Variants in HNRNPUL1 observed in about 807,000 individuals in gnomAD.
HNRNPUL1 encodes heterogeneous nuclear ribonucleoprotein U like 1.
A neutral mutation model predicts 108.5 loss-of-function variants in HNRNPUL1; 14 were observed. The ratio of observed to expected loss-of-function variants is 0.13; its 90% CI spans 0.09 to 0.20. The LOEUF is 0.20. Ranked by LOEUF, HNRNPUL1 falls within the 10% of genes least tolerant of loss-of-function variation. The pLI, the probability that HNRNPUL1 is intolerant of heterozygous loss-of-function variation, is 1.00. For missense variants in HNRNPUL1, 804 were observed against 1,168.3 expected, an observed-to-expected ratio of 0.69 and a Z score of 4.55; for synonymous variants, 422 against 445.2, an observed-to-expected ratio of 0.95 and a Z score of 0.66.
chr19:41,275,046 CTTGAATATT>C (rs1412470110), intron 4 of HNRNPUL1, among the ~76,000 whole-genome samples: 1 of 151,982 alleles, frequency 6.6e-6, no homozygotes, highest in East Asian at 1.9e-4. Context: ...TGACTGGCTC[CTTGAATATT>C]GAGAATATTG....
Position 41,276,303 on chromosome 19 carries a change from GT to G in HNRNPUL1, c.786+6del. On this transcript the variant is annotated splice_donor_region_variant and intron_variant, in intron 5 of 14. Coordinates refer to ENST00000392006, the MANE Select transcript of HNRNPUL1 (RefSeq NM_007040.6). ...CGTGTATGCTTCGAGATGAAGGTGAGTAGGAGCAAGAGAAGGGGAAGGGACA... is the reference window on the plus strand; with the variant it reads ...CGTGTATGCTTCGAGATGAAGGTGAGAGGAGCAAGAGAAGGGGAAGGGACA... 6.3e-7 allele frequency: 1 copy of G among 1,599,364 alleles called. No individual in the cohort carries two copies. Among genetic ancestry groups the G allele is most frequent in the Non-Finnish European group, 8.5e-7 (1 of 1,170,058 alleles).
chr19:41,265,112 A>C, intron 1 of HNRNPUL1: 1 of 1,414,868 alleles, frequency 7.1e-7, no homozygotes, highest in South Asian at 1.5e-5. Context: ...GAGAGTCGGA[A>C]GAACAAGAGG....
chr19:41,271,257 TGA>T (rs1436991045), intron 2 of HNRNPUL1, among the ~76,000 whole-genome samples: 1 of 152,206 alleles, frequency 6.6e-6, no homozygotes, highest in Admixed American at 6.5e-5. Context: ...TCAGGCTCTG[TGA>T]GACTTGTAGG....
chr19:41,304,697 C>A (rs1265903773), intron 13 of HNRNPUL1, among the ~76,000 whole-genome samples: 1 of 152,210 alleles, frequency 6.6e-6, no homozygotes, highest in African/African-American at 2.4e-5. Context: ...TTGCCCTCTG[C>A]ACAGAGAGCT....
chr19:41,265,050 A>C (rs1395554146), intron 1 of HNRNPUL1: 1 of 1,393,240 alleles, frequency 7.2e-7, no homozygotes. Flanking sequence ...GGTGGCGGGG[A>C]GGATTCCGTA....
chr19:41,272,324 G>C (rs765461607), intron 3 of HNRNPUL1, 89 bp downstream of exon 3: 103 of 1,274,272 alleles, frequency 8.1e-5, no homozygotes, highest in Non-Finnish European at 1.1e-4. Context: ...CACTAACCTA[G>C]AGGGGCTGAG....
chr19:41,282,174 C>CT (rs1189939424), intron 7 of HNRNPUL1, among the ~76,000 whole-genome samples: 2 of 152,222 alleles, frequency 1.3e-5, no homozygotes, highest in African/African-American at 4.8e-5. Flanking sequence ...CTTCCTTCTT[C>CT]TTTTTTATTT....
chr19:41,279,253 T>G, intron 6 of HNRNPUL1, 77 bp downstream of exon 6: 7 of 1,004,920 alleles, frequency 7.0e-6, no homozygotes, highest in South Asian at 6.5e-5. Flanking sequence ...CTCCTAAGCT[T>G]CCTTTTCCAG....
At chr19:41,288,332 G>A (rs1467568746) in intron 7 of HNRNPUL1, among the ~76,000 whole-genome samples, 3 of 150,924 alleles carry the variant, frequency 2.0e-5, no homozygotes, top group Non-Finnish European at 4.4e-5. Context: ...CACAACCTCC[G>A]CCTCCCAGAT....
chr19:41,285,312 C>T (rs1004544149), intron 7 of HNRNPUL1, among the ~76,000 whole-genome samples: 5 of 152,232 alleles, frequency 3.3e-5, no homozygotes, highest in South Asian at 4.1e-4. Flanking sequence ...CTGCAGCCCC[C>T]GCCTCCCCGG....
intron 3 of HNRNPUL1, among the ~76,000 whole-genome samples, chr19:41,273,336 A>G (rs1320782198): frequency 6.6e-6 from 1 of 152,050 alleles, no homozygotes; most frequent in Non-Finnish European, 1.5e-5. Context: ...CATGCAGTGC[A>G]CTGCGACCAC....
chr19:41,281,117 A>T (rs755222103), intron 6 of HNRNPUL1, 46 bp from the exon 7 acceptor site: 17 of 1,227,184 alleles, frequency 1.4e-5, no homozygotes, highest in Non-Finnish European at 8.5e-6. Context: ...TGAGGCTGTT[A>T]TGACCATCGC....
rs1478002945 is a variant in HNRNPUL1, at chr19:41,304,192, G to C, written c.2193G>C (p.Lys731Asn). 6.2e-7 allele frequency: 1 copy of C among 1,614,116 alleles called. No homozygotes were observed. Among genetic ancestry groups the C allele is most frequent in the Non-Finnish European group, 8.5e-7 (1 of 1,180,016 alleles). The change falls in exon 13 of 15, where the codon AAG (lysine) becomes AAC (asparagine). Residue 731 changes from lysine (K) to asparagine (N), a missense_variant. Lys to Asn is a moderately conservative substitution (Grantham distance 94). Coordinates refer to ENST00000392006, the MANE Select transcript of HNRNPUL1 (RefSeq NM_007040.6). ...CCCCAGGGGCCAGCACCTACAATAA[G>C]AACAGCAACATCCCTGGCTCAAGCG... ...RNPPGASTYN[K>N]NSNIPGSSAN...
intron 10 of HNRNPUL1, among the ~76,000 whole-genome samples, chr19:41,296,240 G>C (rs1378913630): frequency 1.3e-5 from 2 of 152,176 alleles, no homozygotes; most frequent in Non-Finnish European, 2.9e-5. Flanking sequence ...TCTCTGTCCA[G>C]GATGCTGAAG....
chr19:41,268,939 C>T lies in HNRNPUL1; in HGVS notation c.418+594C>T, dbSNP rs564286817. Among the ~76,000 whole-genome samples, 517 of 152,130 alleles carry T rather than the reference C, an allele frequency of 3.4e-3. 2 individuals are homozygous for T. The highest frequency in any genetic ancestry group is 6.2e-3 in the Non-Finnish European group (420 of 67,992). On this transcript the variant is annotated intron_variant, in intron 2 of 14. Coordinates refer to ENST00000392006, the MANE Select transcript of HNRNPUL1 (RefSeq NM_007040.6). ...CTAATACTTGAATCTTATTTAGAAT[C>T]TTAGAATGGGGGAGCCAGAAAGAGC...
At chr19:41,268,160 G>A in intron 1 of HNRNPUL1, 63 bp from the exon 2 acceptor site, 2 of 1,565,624 alleles carry the variant, frequency 1.3e-6, no homozygotes, top group East Asian at 2.3e-5. Flanking sequence ...CCTTCTGGAT[G>A]CTTTGGTCCA....
intron 1 of HNRNPUL1, among the ~76,000 whole-genome samples, chr19:41,266,153 G>T (rs1008650670): frequency 2.0e-5 from 3 of 152,048 alleles, no homozygotes; most frequent in African/African-American, 7.3e-5. Context: ...GCAGCTTTCG[G>T]GCCGAGTGCA....
Position 41,264,762 on chromosome 19 carries a change from G to C in HNRNPUL1, c.259G>C (p.Ala87Pro). ...ACCGCCGCCCGGGCTGCAGCCGCAC[G>C]CGGAGCCCGGCGGCTACTCGGGGCC... ...QPPPPGLQPHAEPGGYSGPDG... is the reference protein window; with the variant it reads ...QPPPPGLQPHPEPGGYSGPDG... The change falls in exon 1 of 15, where the codon GCG becomes CCG. Residue 87 changes from alanine (A) to proline (P), a missense_variant. Transcript: ENST00000392006. The C allele has an allele frequency of 7.3e-7, 1 of 1,377,968 alleles. No homozygotes were observed. Among genetic ancestry groups the C allele is most frequent in the Middle Eastern group, 2.6e-4 (1 of 3,820 alleles). 85.4% of individuals were successfully genotyped at this position (1,377,968 alleles called of 1,614,324 possible). A position where few individuals can be genotyped will look rare whatever the true frequency, so the allele number is the denominator to read the frequency against.
intron 7 of HNRNPUL1, among the ~76,000 whole-genome samples, chr19:41,282,995 T>C (rs2035995834): frequency 6.6e-6 from 1 of 152,144 alleles, no homozygotes. Context: ...CGCCCGGCCA[T>C]TTTTTTCAAT....
Sources: allele counts gnomAD v4.1 joint callset (sites outside exome capture counted in the v4.1 genomes callset), GRCh38; gene constraint gnomAD v4.1.1; transcripts MANE v1.5; gene names NCBI Gene and HGNC (gene_info 2026-07-23, HGNC 2026-07-21).